RPS6KC1: variants seen among roughly 807,000 people sequenced by gnomAD.
The protein encoded by RPS6KC1 is inactive ribosomal protein S6 kinase delta-1.
Under a neutral mutation model 103.8 loss-of-function variants are expected in RPS6KC1, and 54 were observed. That is an observed-to-expected ratio of 0.52 (90% CI 0.42 to 0.65). The LOEUF is 0.65. RPS6KC1 is among the 30% of genes least tolerant of loss of function. The pLI is 0.00. For missense variants in RPS6KC1, 1,151 were observed against 1,253.8 expected, an observed-to-expected ratio of 0.92 and a Z score of 1.24; for synonymous variants, 439 against 438.7, an observed-to-expected ratio of 1.00 and a Z score of -0.01.
At chr1:213,574,789 G>A in the RPS6KC1 span, among the ~76,000 whole-genome samples, 1 of 152,198 alleles carries the variant, frequency 6.6e-6, no homozygotes, top group Non-Finnish European at 1.5e-5. Context: ...TGGTGTTAGA[G>A]TCAAACTATG....
chr1:213,099,925 G>A (rs995766723), intron 3 of RPS6KC1, among the ~76,000 whole-genome samples: 1 of 152,144 alleles, frequency 6.6e-6, no homozygotes, highest in African/African-American at 2.4e-5. Context: ...GCAATTTTAA[G>A]TAAATCTACA....
intron 8 of RPS6KC1, among the ~76,000 whole-genome samples, chr1:213,190,700 A>G (rs908188128): frequency 2.6e-5 from 4 of 152,120 alleles, no homozygotes; most frequent in African/African-American, 9.7e-5. Context: ...CTGCGCTTGT[A>G]GCGTATTACT....
the RPS6KC1 span, among the ~76,000 whole-genome samples, chr1:213,484,043 A>G: frequency 2.6e-5 from 4 of 152,162 alleles, no homozygotes; most frequent in Non-Finnish European, 4.4e-5. Flanking sequence ...AATTTCAAAC[A>G]TATAGGTGAG....
At chr1:213,594,011 G>A in the RPS6KC1 span, among the ~76,000 whole-genome samples, 51 of 152,116 alleles carry the variant, frequency 3.4e-4, no homozygotes, top group East Asian at 3.3e-3. Flanking sequence ...GATTACAGGC[G>A]TGCACCACCA....
the RPS6KC1 span, among the ~76,000 whole-genome samples, chr1:213,483,335 G>A: frequency 6.6e-6 from 1 of 152,042 alleles, no homozygotes; most frequent in East Asian, 1.9e-4. Flanking sequence ...ATTTGGGTGG[G>A]GACACAGCCA....
At chr1:213,570,206 C>T in the RPS6KC1 span, among the ~76,000 whole-genome samples, 1 of 152,258 alleles carries the variant, frequency 6.6e-6, no homozygotes, top group Middle Eastern at 3.4e-3. Flanking sequence ...GTTACTAAAC[C>T]TCATTGAGTT....
At chr1:213,375,835 T>A in the RPS6KC1 span, among the ~76,000 whole-genome samples, 1 of 152,240 alleles carries the variant, frequency 6.6e-6, no homozygotes, top group Non-Finnish European at 1.5e-5. Flanking sequence ...CTCCCCGCTC[T>A]ACTTTTATGG....
intron 3 of RPS6KC1, among the ~76,000 whole-genome samples, chr1:213,089,499 T>C (rs371357029): frequency 6.6e-6 from 1 of 152,108 alleles, no homozygotes; most frequent in South Asian, 2.1e-4. Context: ...TTTGCCCTTG[T>C]CACCCAGGCT....
the RPS6KC1 span, among the ~76,000 whole-genome samples, chr1:213,660,851 A>G: frequency 9.2e-5 from 14 of 152,352 alleles, no homozygotes; most frequent in South Asian, 8.3e-4. Flanking sequence ...TGAGCAATGG[A>G]ACAAATCCTT....
chr1:213,118,021 C>CAAAAAAAAAAAAAAAAAAAAAAAAA lies in RPS6KC1; in HGVS notation c.472+629_472+630insAAAAAAAAAAAAAAAAAAAAAAAAA, dbSNP rs59318173. The stretch of plus-strand genomic sequence containing the variant: ...TGGACAACAAAGCAAGACTTTGTCT[C>CAAAAAAAAAAAAAAAAAAAAAAAAA]AAAAAAAAAAAAAAAAAAGCCTTAC... On this transcript the variant is annotated intron_variant, in intron 5 of 14. Transcript: ENST00000366960. 1.3e-3 allele frequency among the ~76,000 whole-genome samples: 43 copies of CAAAAAAAAAAAAAAAAAAAAAAAAA among 34,184 alleles called. 9 individuals carry two copies. Among genetic ancestry groups the CAAAAAAAAAAAAAAAAAAAAAAAAA allele is most frequent in the African/African-American group, 2.0e-3 (17 of 8,474 alleles). The allele number at this position is 34,184 out of a possible 152,430, so 22.4% of individuals were successfully genotyped here.
intron 5 of RPS6KC1, among the ~76,000 whole-genome samples, chr1:213,117,698 G>A (rs1167231904): frequency 4.6e-5 from 7 of 151,598 alleles, no homozygotes; most frequent in African/African-American, 1.7e-4. Flanking sequence ...GGTATAATGA[G>A]TAGTTCAGAA....
the RPS6KC1 span, among the ~76,000 whole-genome samples, chr1:213,676,478 C>CGTG: frequency 6.6e-6 from 1 of 152,174 alleles, no homozygotes; most frequent in Non-Finnish European, 1.5e-5. Flanking sequence ...CCGTGTCAGA[C>CGTG]GGAAGGAGAG....
At chr1:213,544,547 T>C in the RPS6KC1 span, among the ~76,000 whole-genome samples, 1 of 152,192 alleles carries the variant, frequency 6.6e-6, no homozygotes, top group African/African-American at 2.4e-5. Flanking sequence ...GGCCCCTCTG[T>C]GTGTTCCCTC....
At chr1:213,700,634 A>G in the RPS6KC1 span, among the ~76,000 whole-genome samples, 3 of 151,896 alleles carry the variant, frequency 2.0e-5, no homozygotes, top group South Asian at 6.2e-4. Flanking sequence ...GAATCCATAC[A>G]TTGCTTTGGG....
At chr1:213,592,871 G>A in the RPS6KC1 span, among the ~76,000 whole-genome samples, 2 of 152,120 alleles carry the variant, frequency 1.3e-5, no homozygotes, top group Admixed American at 6.6e-5. Context: ...AATTTCAAAC[G>A]GCTGTAAGAA....
the RPS6KC1 span, among the ~76,000 whole-genome samples, chr1:213,847,049 C>T: frequency 1.3e-5 from 2 of 152,140 alleles, no homozygotes; most frequent in African/African-American, 4.8e-5. Flanking sequence ...AGAGCTAAGT[C>T]AGATTAATCA....
intron 6 of RPS6KC1, 110 bp from the exon 7 acceptor site, chr1:213,167,745 CTCT>C (rs776301742): frequency 2.5e-5 from 13 of 517,196 alleles, no homozygotes; most frequent in Non-Finnish European, 4.0e-5. Flanking sequence ...TTTTGAATAT[CTCT>C]TCTTTTTTGT....
chr1:213,257,822 G>C (rs1405977784), intron 12 of RPS6KC1, among the ~76,000 whole-genome samples: 5 of 70,948 alleles, frequency 7.0e-5, no homozygotes, highest in Non-Finnish European at 1.0e-4. Flanking sequence ...TTTTTTTTTT[G>C]AGATGGAGTC....
chr1:213,209,504 T>G (rs1424130552), intron 8 of RPS6KC1, among the ~76,000 whole-genome samples: 1 of 152,050 alleles, frequency 6.6e-6, no homozygotes, highest in Admixed American at 6.6e-5. Context: ...AAGACCAGCC[T>G]GGCCAACATG....
Sources: gnomAD v4.1 joint callset for allele counts (sites outside exome capture counted in the v4.1 genomes callset) on GRCh38, gnomAD v4.1.1 for gene constraint, MANE v1.5 for transcripts, NCBI Gene and HGNC (gene_info 2026-07-23, HGNC 2026-07-21) for gene names.